GPR135: variants seen among roughly 807,000 people sequenced by gnomAD.
The protein encoded by GPR135 is G protein-coupled receptor 135, also known as G-protein coupled receptor 135.
GPR135 carries 17 observed loss-of-function variants against 15.0 expected under a neutral mutation model. The observed-to-expected ratio is 1.13, with a 90% CI of 0.78 to 1.70. GPR135 has a LOEUF of 1.70. GPR135 is among the 40% of genes most tolerant of loss of function. The pLI is 0.00. For missense variants in GPR135, 776 were observed against 727.0 expected (o/e 1.07, Z -0.78); for synonymous variants, 368 against 349.4 (o/e 1.05, Z -0.59).
intron 6 of GPR135, among the ~76,000 whole-genome samples, chr14:59,454,523 A>G (rs1169865550): frequency 6.6e-6 from 1 of 152,230 alleles, no homozygotes; most frequent in Non-Finnish European, 1.5e-5. Context: ...GAGTTGAAAT[A>G]AAGACAATAT....
At chr14:59,459,174 T>C (rs1888767049), downstream of GPR135, among the ~76,000 whole-genome samples, 1 of 152,250 alleles carries the variant, frequency 6.6e-6, no homozygotes. Context: ...TTAAACTTGT[T>C]TAATTGGGAT....
downstream of GPR135, among the ~76,000 whole-genome samples, chr14:59,460,149 T>C (rs1888805180): frequency 6.6e-6 from 1 of 152,058 alleles, no homozygotes; most frequent in South Asian, 2.1e-4. Flanking sequence ...GCCAGCAGGG[T>C]GGAAGGGCCA....
chr14:59,465,349 G>T lies in GPR135; in HGVS notation c.-123C>A. The T allele has an allele frequency of 1.4e-6, 1 of 706,314 alleles. No individual in the cohort carries two copies. The highest frequency in any genetic ancestry group is 1.9e-6 in the Non-Finnish European group (1 of 513,888). 43.8% of individuals were successfully genotyped at this position (706,314 alleles called of 1,614,324 possible). A position where few individuals can be genotyped will look rare whatever the true frequency, so the allele number is the denominator to read the frequency against. ...CGGGGAGCTGGGCTCGGCCGGAGGG[G>T]TGGCGGTCGCTGGGGACCTGGCGGA... On this transcript the variant is annotated 5_prime_UTR_variant, in exon 1 of 1. Transcript: ENST00000395116.
downstream of GPR135, among the ~76,000 whole-genome samples, chr14:59,456,918 G>A (rs1307721811): frequency 6.6e-6 from 1 of 152,066 alleles, no homozygotes; most frequent in Non-Finnish European, 1.5e-5. Context: ...TTCTGTACAA[G>A]AGGGAGAAAA....
In GPR135 at chr14:59,464,311, G is replaced by A. The variant is rs1043443529; in HGVS notation, c.916C>T (p.Leu306=). The part of the protein sequence containing the change: ...CHYHICKTVR[L]SDVRVRPVNT... ...ACCGGCCGCACGCGCACGTCCGACA[G>A]GCGCACCGTCTTGCAGATGTGGTAG... is the stretch of plus-strand genomic sequence containing the variant. Residue 306 remains leucine, a synonymous_variant, in exon 1 of 1, where the codon CTG becomes TTG. Coordinates refer to ENST00000395116, the MANE Select transcript of GPR135 (RefSeq NM_022571.6). 3.6e-5 allele frequency: 58 copies of A among 1,611,584 alleles called. No individual in the cohort carries two copies. The highest frequency in any genetic ancestry group is 4.8e-5 in the Non-Finnish European group (57 of 1,179,442).
downstream of GPR135, among the ~76,000 whole-genome samples, chr14:59,457,438 T>C (rs1888694800): frequency 6.6e-6 from 1 of 152,154 alleles, no homozygotes; most frequent in Non-Finnish European, 1.5e-5. Flanking sequence ...TTTTTGGTAG[T>C]CACATTACAC....
Position 59,464,868 on chromosome 14 carries a change from C to T in GPR135, c.359G>A (p.Gly120Asp), listed in dbSNP as rs200124015. 16 of 1,605,950 alleles carry T rather than the reference C, an allele frequency of 1.0e-5. No individual in the cohort carries two copies. In the East Asian group the frequency reaches 2.7e-4, roughly 27 times the overall value. ...AATCACCCCCATCACCGCGCAGTTGCCAAGGCTAGACAGCAGGAAGATGAG... is the reference window on the plus strand; with the variant it reads ...AATCACCCCCATCACCGCGCAGTTGTCAAGGCTAGACAGCAGGAAGATGAG... ...LLLIFLLSSLGNCAVMGVIVK... is the reference protein window; with the variant it reads ...LLLIFLLSSLDNCAVMGVIVK... Residue 120 changes from glycine to aspartate, a missense_variant, in exon 1 of 1, where the codon GGC becomes GAC. Transcript: ENST00000395116.
At position 59,464,579 on chromosome 14, in the gene GPR135, C is replaced by A. The variant is rs1375773782; in HGVS notation, c.648G>T (p.Pro216=). 3 of 1,578,614 alleles carry A rather than the reference C, an allele frequency of 1.9e-6. No individual in the cohort carries two copies. The highest frequency in any genetic ancestry group is 2.3e-5 in the East Asian group (1 of 42,582). ...SLDRYCAIVR[P]PREKIGRRRA... The stretch of plus-strand genomic sequence containing the variant: ...GGCGGCGGCCGATCTTCTCCCGCGG[C>A]GGCCGCACGATAGCGCAGTAACGGT... Residue 216 remains proline (P), a synonymous_variant, in exon 1 of 1, where the codon CCG becomes CCT. Transcript: ENST00000395116.
rs1888835208 is a variant in GPR135, at chr14:59,460,971, C to T, written c.*2771G>A. On this transcript the variant is annotated 3_prime_UTR_variant, in exon 1 of 1. Transcript: ENST00000395116. ...GGGTCAAATGGGTGGCTGACTTATACCTGCGTATCTCTTGCTTCCAAGTTC... is the reference window on the plus strand; with the variant it reads ...GGGTCAAATGGGTGGCTGACTTATATCTGCGTATCTCTTGCTTCCAAGTTC... The T allele has an allele frequency of 6.6e-6, 1 of 152,190 alleles. No individual in the cohort carries two copies. The highest frequency in any genetic ancestry group is 1.5e-5 in the Non-Finnish European group (1 of 68,030). 9.4% of individuals were successfully genotyped at this position (152,190 alleles called of 1,614,324 possible).
chr14:59,460,915 T>C lies in GPR135; in HGVS notation c.*2827A>G, dbSNP rs1888833245. 6.6e-6 allele frequency: 1 copy of C among 152,254 alleles called. No homozygotes were observed. The allele number at this position is 152,254 out of a possible 1,614,324, so 9.4% of individuals were successfully genotyped here. On this transcript the variant is annotated 3_prime_UTR_variant, in exon 1 of 1. Coordinates refer to ENST00000395116, the MANE Select transcript of GPR135 (RefSeq NM_022571.6). ...TTGAGAATCATTCTTTCTTCACCTT[T>C]TGAGGTATTGATTGTCTAAGTATTT...
Position 59,464,602 on chromosome 14 carries a change from G to T in GPR135, c.625C>A (p.Arg209Ser), listed in dbSNP as rs748101215. The change falls in exon 1 of 1, where the codon CGT becomes AGT. Residue 209 changes from arginine (R) to serine (S), a missense_variant. Arg to Ser is a moderately radical substitution (Grantham distance 110). Coordinates refer to ENST00000395116, the MANE Select transcript of GPR135 (RefSeq NM_022571.6). ...TLSVALISLD[R>S]YCAIVRPPRE... ...GGCGGCCGCACGATAGCGCAGTAACGGTCCAACGAGATGAGCGCCACGCTG... is the reference window on the plus strand; with the variant it reads ...GGCGGCCGCACGATAGCGCAGTAACTGTCCAACGAGATGAGCGCCACGCTG... 1.7e-5 allele frequency: 27 copies of T among 1,595,694 alleles called. No individual in the cohort carries two copies. The South Asian group carries it at 3.0e-4, about 18-fold the overall frequency.
Position 59,463,449 on chromosome 14 carries a change from AAT to A in GPR135, c.*291_*292del. 2.4e-6 allele frequency: 1 copy of A among 409,018 alleles called. No individual in the cohort carries two copies. Among genetic ancestry groups the A allele is most frequent in the Non-Finnish European group, 4.4e-6 (1 of 228,476 alleles). The allele number at this position is 409,018 out of a possible 1,614,324, so 25.3% of individuals were successfully genotyped here. A position where few individuals can be genotyped will look rare whatever the true frequency, so the allele number is the denominator to read the frequency against. ...TGTTTGTTTCACAGTGTGGTCCTATAATATGAGCTTTTCAGTTATAGTGAATG... is the reference window on the plus strand; with the variant it reads ...TGTTTGTTTCACAGTGTGGTCCTATAATGAGCTTTTCAGTTATAGTGAATG... On this transcript the variant is annotated 3_prime_UTR_variant, in exon 1 of 1. Transcript: ENST00000395116.
Position 59,464,914 on chromosome 14 carries a change from C to A in GPR135, c.313G>T (p.Ala105Ser). 6.2e-7 allele frequency: 1 copy of A among 1,601,108 alleles called. No individual in the cohort carries two copies. Among genetic ancestry groups the A allele is most frequent in the East Asian group, 2.3e-5 (1 of 44,228 alleles). ...PLLSHGAAVA[A>S]QALVLLLIFL... is the part of the protein sequence containing the mutation. ...ATGAGCAGGAGGACGAGCGCCTGGG[C>A]CGCCACTGCAGCTCCGTGCGACAGC... The change falls in exon 1 of 1, where the codon GCC (alanine) becomes TCC (serine). Residue 105 changes from alanine to serine, a missense_variant. Transcript: ENST00000395116.
rs1392419763 is a variant in GPR135 at position 59,465,145 on chromosome 14, C to A, written c.82G>T (p.Gly28Cys). 1 of 1,353,588 alleles carries A rather than the reference C, an allele frequency of 7.4e-7. No homozygotes were observed. Among genetic ancestry groups the A allele is most frequent in the South Asian group, 1.9e-5 (1 of 52,758 alleles). The allele number at this position is 1,353,588 out of a possible 1,614,324, so 83.8% of individuals were successfully genotyped here. A position where few individuals can be genotyped will look rare whatever the true frequency, so the allele number is the denominator to read the frequency against. The change falls in exon 1 of 1, where the codon GGC becomes TGC. Residue 28 changes from glycine to cysteine, a missense_variant. Transcript: ENST00000395116. ...SQHSGAPSAA[G>C]PPGGTSSAAT... ...GCGGAGGAAGTCCCGCCAGGTGGGC[C>A]GGCCGCGGAGGGGGCGCCGGAGTGC...
Position 59,462,362 on chromosome 14 carries a change from A to T in GPR135, c.*1380T>A, listed in dbSNP as rs569856650. On this transcript the variant is annotated 3_prime_UTR_variant, in exon 1 of 1. Transcript: ENST00000395116. ...AGTCGTATTTAACATTAGAAAGTTCACATACGCTTTTGAATTATTGTAAAA... is the reference window on the plus strand; with the variant it reads ...AGTCGTATTTAACATTAGAAAGTTCTCATACGCTTTTGAATTATTGTAAAA... 6.6e-6 allele frequency: 1 copy of T among 152,336 alleles called. No individual in the cohort carries two copies. Among genetic ancestry groups the T allele is most frequent in the Admixed American group, 6.5e-5 (1 of 15,310 alleles). 9.4% of individuals were successfully genotyped at this position (152,336 alleles called of 1,614,324 possible).
rs1566547533 is a variant in GPR135, at chr14:59,461,637, A to T, written c.*2105T>A. On this transcript the variant is annotated 3_prime_UTR_variant, in exon 1 of 1. Coordinates refer to ENST00000395116, the MANE Select transcript of GPR135 (RefSeq NM_022571.6). ...CACTCACCAGGTAGGTTTATTCTAT[A>T]TCACATTTATTTTTCAATGCCTTCC... 3.3e-5 allele frequency: 5 copies of T among 152,040 alleles called. No homozygotes were observed. The allele number at this position is 152,040 out of a possible 1,614,324, so 9.4% of individuals were successfully genotyped here.
At position 59,464,901 on chromosome 14, in the gene GPR135, A is replaced by T; in HGVS notation, c.326T>A (p.Val109Asp). The T allele has an allele frequency of 6.2e-7, 1 of 1,603,642 alleles. No individual in the cohort carries two copies. Among genetic ancestry groups the T allele is most frequent in the Non-Finnish European group, 8.5e-7 (1 of 1,176,192 alleles). Residue 109 changes from valine (V) to aspartate (D), a missense_variant, in exon 1 of 1, where the codon GTC becomes GAC. Transcript: ENST00000395116. ...HGAAVAAQALVLLLIFLLSSL... is the reference protein window; with the variant it reads ...HGAAVAAQALDLLLIFLLSSL... ...AGACAGCAGGAAGATGAGCAGGAGG[A>T]CGAGCGCCTGGGCCGCCACTGCAGC...
At chr14:59,458,378 CT>C (rs1888737697), downstream of GPR135, among the ~76,000 whole-genome samples, 1 of 152,176 alleles carries the variant, frequency 6.6e-6, no homozygotes, top group South Asian at 2.1e-4. Flanking sequence ...TCTGGGTTCT[CT>C]CTGGTAAACT....
At position 59,464,951 on chromosome 14, in the gene GPR135, C is replaced by T; in HGVS notation, c.276G>A (p.Glu92=). 1 of 1,532,152 alleles carries T rather than the reference C, an allele frequency of 6.5e-7. No homozygotes were observed. Among genetic ancestry groups the T allele is most frequent in the Non-Finnish European group, 8.8e-7 (1 of 1,142,798 alleles). The allele number at this position is 1,532,152 out of a possible 1,614,324, so 94.9% of individuals were successfully genotyped here. ...CTCCGTGCGACAGCAGCGGCGCCGC[C>T]TCCGGGCCTAGCGGCCGCCTCACCG... ...GAAVRRPLGP[E]AAPLLSHGAA... The change falls in exon 1 of 1, where the codon GAG becomes GAA. Residue 92 remains glutamate (E), a synonymous_variant. Transcript: ENST00000395116.
Sources: gnomAD v4.1 joint callset for allele counts (sites outside exome capture counted in the v4.1 genomes callset) on GRCh38, gnomAD v4.1.1 for gene constraint, MANE v1.5 for transcripts, NCBI Gene and HGNC (gene_info 2026-07-23, HGNC 2026-07-21) for gene names.